The following KNG1 variants were observed in gnomAD, a reference collection of about 807,000 sequenced individuals.
KNG1 encodes the protein kininogen 1, also known as kininogen-1.
KNG1 carries 23 observed loss-of-function variants against 47.8 expected under a neutral mutation model. That is an observed-to-expected ratio of 0.48 (90% CI 0.35 to 0.68). The LOEUF is 0.68. KNG1 is among the 30% of genes least tolerant of loss of function. The probability of loss-of-function intolerance (pLI) is 0.01; values close to 1 mark genes in which losing one functional copy is unlikely to be tolerated. For missense variants in KNG1, 762 were observed against 790.2 expected (o/e 0.96, Z 0.43); for synonymous variants, 277 against 277.0 (o/e 1.00, Z 0.00).
intron 5 of KNG1, among the ~76,000 whole-genome samples, chr3:186,728,065 TCTTCC>T (rs1427207888): frequency 8.5e-5 from 13 of 152,224 alleles, no homozygotes; most frequent in African/African-American, 3.1e-4. Context: ...TGTTTTCTCA[TCTTCC>T]CTTCCCTACC....
chr3:186,729,786 C>T (rs747540681), intron 5 of KNG1, among the ~76,000 whole-genome samples: 3 of 152,124 alleles, frequency 2.0e-5, no homozygotes, highest in Non-Finnish European at 4.4e-5. Flanking sequence ...GATTCTCCTG[C>T]CTCAGCTTCC....
rs761496908 is a variant in KNG1, at chr3:186,731,590, C to T, written c.718C>T (p.Arg240Ter). The change falls in exon 6 of 10, where the codon CGA becomes TGA. Residue 240 changes from arginine to a stop codon, truncating the protein, a stop_gained. Coordinates refer to ENST00000644859, the MANE Select transcript of KNG1 (RefSeq NM_001102416.3). LOFTEE classifies it high-confidence loss of function. ...TDNAYIDIQLRIASFSQNCDI... is the reference protein window; with the variant it reads ...TDNAYIDIQL ...TAATGCATACATCGATATTCAGCTA[C>T]GAATTGCTTCCTTCTCACAGAACTG... 6.2e-6 allele frequency: 10 copies of T among 1,611,270 alleles called. No homozygotes were observed. Among genetic ancestry groups the T allele is most frequent in the East Asian group, 2.2e-5 (1 of 44,878 alleles).
intron 2 of KNG1, chr3:186,721,253 G>A (rs912852881): frequency 1.3e-5 from 2 of 152,192 alleles, no homozygotes; most frequent in Non-Finnish European, 2.9e-5. Flanking sequence ...AGGAGTCTAG[G>A]ATTTTGCAGT....
intron 3 of KNG1, 107 bp downstream of exon 3, chr3:186,722,628 G>C: frequency 1.1e-6 from 1 of 901,922 alleles, no homozygotes; most frequent in Non-Finnish European, 1.8e-6. Flanking sequence ...GGTGGCAGTA[G>C]TAAAGCCATT....
At chr3:186,728,504 C>A (rs1225515087) in intron 5 of KNG1, 6 of 151,406 alleles carry the variant, frequency 4.0e-5, no homozygotes, top group Admixed American at 3.9e-4. Flanking sequence ...AAAACGGTTA[C>A]AATGTTAAGT....
chr3:186,725,037 G>T, intron 3 of KNG1, 51 bp from the exon 4 acceptor site: 2 of 1,595,740 alleles, frequency 1.3e-6, no homozygotes, highest in South Asian at 2.2e-5. Flanking sequence ...CAGTGTATGC[G>T]AATGCTGATT....
chr3:186,740,497 C>T (rs927719444), intron 9 of KNG1, among the ~76,000 whole-genome samples: 15 of 152,346 alleles, frequency 9.8e-5, no homozygotes, highest in Admixed American at 2.6e-4. Flanking sequence ...TCTGGCCGGA[C>T]TCCAATGACC....
Position 186,725,204 on chromosome 3 carries a change from A to G in KNG1, c.508A>G (p.Asn170Asp), listed in dbSNP as rs1720324650. Reference protein sequence around the residue: ...LRHGIQYFNNNTQHSSLFMLN... With the variant: ...LRHGIQYFNNDTQHSSLFMLN... ...ACACGGCATTCAGTACTTTAACAAC[A>G]ACACTCAACATTCCTCCCTCTTCAT... is the stretch of plus-strand genomic sequence containing the variant. Residue 170 changes from asparagine (N) to aspartate (D), a missense_variant, in exon 4 of 10, where the codon AAC (asparagine) becomes GAC (aspartate). Physicochemically the swap from Asn to Asp is conservative, Grantham distance 23 (BLOSUM62 1). Coordinates refer to ENST00000644859, the MANE Select transcript of KNG1 (RefSeq NM_001102416.3). 6.2e-7 allele frequency: 1 copy of G among 1,614,136 alleles called. No individual in the cohort carries two copies. The highest frequency in any genetic ancestry group is 2.2e-5 in the East Asian group (1 of 44,878).
At chr3:186,723,786 C>T (rs1196910344) in intron 3 of KNG1, among the ~76,000 whole-genome samples, 1 of 151,572 alleles carries the variant, frequency 6.6e-6, no homozygotes, top group Non-Finnish European at 1.5e-5. Flanking sequence ...TCCTGAATAG[C>T]TGGGATTATG....
At position 186,739,314 on chromosome 3, in the gene KNG1, GT is replaced by G; in HGVS notation, c.1039-10del. The G allele has an allele frequency of 6.2e-7, 1 of 1,611,134 alleles. No individual in the cohort carries two copies. The highest frequency in any genetic ancestry group is 8.5e-7 in the Non-Finnish European group (1 of 1,177,298). Reference sequence around the variant, plus strand: ...TAACACTGTCTCTCTTTCGACTTCTGTTTTCATGGATAGCAAAGCCTAGATT... The same window carrying G: ...TAACACTGTCTCTCTTTCGACTTCTGTTTCATGGATAGCAAAGCCTAGATT... On this transcript the variant is annotated splice_polypyrimidine_tract_variant and intron_variant, in intron 8 of 9. Transcript: ENST00000644859.
chr3:186,743,152 C>A lies in KNG1; in HGVS notation c.*821C>A. ...AAGTATTCTGTTTATTTTTGCTGAG[C>A]CTAGATTGAGTAATTCTTAGTTTAC... is the stretch of plus-strand genomic sequence containing the variant. On this transcript the variant is annotated 3_prime_UTR_variant, in exon 10 of 10. Coordinates refer to ENST00000644859, the MANE Select transcript of KNG1 (RefSeq NM_001102416.3). 6.0e-6 allele frequency: 1 copy of A among 166,992 alleles called. No individual in the cohort carries two copies. Among genetic ancestry groups the A allele is most frequent in the Non-Finnish European group, 1.3e-5 (1 of 79,268 alleles). The allele number at this position is 166,992 out of a possible 1,614,324, so 10.3% of individuals were successfully genotyped here.
chr3:186,722,383 T>C (rs1188999503), intron 2 of KNG1, 54 bp from the exon 3 acceptor site: 12 of 1,402,622 alleles, frequency 8.6e-6, no homozygotes, highest in East Asian at 2.3e-5. Context: ...CAGTATTAGG[T>C]AGACTTTCCC....
Position 186,742,160 on chromosome 3 carries a change from C to T in KNG1, c.1764C>T (p.Ile588=), listed in dbSNP as rs2108638525. The T allele has an allele frequency of 6.2e-7, 1 of 1,614,148 alleles. No homozygotes were observed. The change falls in exon 10 of 10, where the codon ATC becomes ATT. Residue 588 remains isoleucine (I), a synonymous_variant. Coordinates refer to ENST00000644859, the MANE Select transcript of KNG1 (RefSeq NM_001102416.3). ...PAPIQSDDDW[I]PDIQIDPNGL... The stretch of plus-strand genomic sequence containing the variant: ...CCATACAGAGTGATGACGATTGGAT[C>T]CCTGATATCCAGATAGACCCAAATG...
At chr3:186,741,395 A>C (rs1720806776) in intron 9 of KNG1, 127 bp from the exon 10 acceptor site, 1 of 779,142 alleles carries the variant, frequency 1.3e-6, no homozygotes, top group Non-Finnish European at 2.0e-6. Flanking sequence ...TTAATATAGC[A>C]TTTAAAATCT....
chr3:186,730,497 TAC>T (rs1720483689), intron 5 of KNG1, among the ~76,000 whole-genome samples: 1 of 150,918 alleles, frequency 6.6e-6, no homozygotes. Context: ...CTACTAAAAA[TAC>T]AAAAAAATTA....
intron 2 of KNG1, chr3:186,722,209 T>C (rs1403694): frequency 0.44 from 217,411 of 497,738 alleles, 49,164 homozygotes; most frequent in South Asian, 0.62. Flanking sequence ...TAAAACCTCA[T>C]CATTTACACT....
chr3:186,739,449 TC>T (rs779356602), intron 9 of KNG1, 35 bp downstream of exon 9: 3 of 1,341,014 alleles, frequency 2.2e-6, no homozygotes, highest in Non-Finnish European at 3.2e-6. Flanking sequence ...TGGGGTCAGT[TC>T]TGCTCATTCT....
rs1720860228 is a variant in KNG1 at position 186,743,256 on chromosome 3, A to G, written c.*925A>G. The G allele has an allele frequency of 5.5e-6, 1 of 180,870 alleles. No homozygotes were observed. The highest frequency in any genetic ancestry group is 1.2e-4 in the South Asian group (1 of 8,262). 11.2% of individuals were successfully genotyped at this position (180,870 alleles called of 1,614,324 possible). A position where few individuals can be genotyped will look rare whatever the true frequency, so the allele number is the denominator to read the frequency against. On this transcript the variant is annotated 3_prime_UTR_variant, in exon 10 of 10. Transcript: ENST00000644859. Reference sequence around the variant, plus strand: ...CAGGCTTGCTAATAAAACTTTTTAAATAATTGACAAGGGAATATTATGGAA... The same window carrying G: ...CAGGCTTGCTAATAAAACTTTTTAAGTAATTGACAAGGGAATATTATGGAA...
intron 4 of KNG1, among the ~76,000 whole-genome samples, chr3:186,725,901 C>T (rs1720353165): frequency 6.8e-6 from 1 of 146,166 alleles, no homozygotes; most frequent in South Asian, 2.2e-4. Context: ...CACTAAGTTA[C>T]AGTTCCCATA....
Sources: allele counts gnomAD v4.1 joint callset (sites outside exome capture counted in the v4.1 genomes callset), GRCh38; gene constraint gnomAD v4.1.1; transcripts MANE v1.5; gene names NCBI Gene and HGNC (gene_info 2026-07-23, HGNC 2026-07-21).